The following MAP3K15 variants were observed in gnomAD, a reference collection of about 807,000 sequenced individuals.
MAP3K15 encodes the protein mitogen-activated protein kinase kinase kinase 15.
MAP3K15 carries 124 observed loss-of-function variants against 99.5 expected under a neutral mutation model. The observed-to-expected ratio is 1.25, with a 90% CI of 1.08 to 1.45. The LOEUF (loss-of-function observed/expected upper bound fraction) is 1.45, where lower values mean the gene tolerates loss of function less well. Among genes scored for constraint, MAP3K15 ranks in the 40% most tolerant of loss-of-function variants. The probability of loss-of-function intolerance (pLI) is 0.00; values close to 1 mark genes in which losing one functional copy is unlikely to be tolerated. For synonymous variants in MAP3K15, 494 were observed against 439.6 expected (o/e 1.12, Z -1.55); for missense variants, 1,242 against 1,079.7 (o/e 1.15, Z -2.11).
At chrX:19,465,807 G>A (rs2064163810) in intron 3 of MAP3K15, among the ~76,000 whole-genome samples, 1 of 96,666 alleles carries the variant, frequency 1.0e-5, no homozygotes, top group Admixed American at 1.2e-4. Flanking sequence ...TAAGTAGAAA[G>A]GGTAAAAATT....
intron 13 of MAP3K15, among the ~76,000 whole-genome samples, chrX:19,402,854 G>A (rs2063618776): frequency 9.0e-6 from 1 of 111,134 alleles, no homozygotes; most frequent in Non-Finnish European, 1.9e-5. Context: ...TTGTAGAGAC[G>A]AGGGTCTCCC....
chrX:19,407,149 A>G (rs1201292379), intron 13 of MAP3K15, 39 bp downstream of exon 13: 3 of 846,537 alleles, frequency 3.5e-6, no homozygotes, highest in Non-Finnish European at 3.3e-6. Flanking sequence ...ATGATTCGCC[A>G]TAATTACATT....
intron 19 of MAP3K15, chrX:19,376,890 G>T (rs970440512): frequency 9.3e-6 from 1 of 107,588 alleles, no homozygotes; most frequent in African/African-American, 3.4e-5. Flanking sequence ...TAAAAAGAAA[G>T]ATTTAAAAAA....
chrX:19,422,477 G>C (rs141084155), intron 9 of MAP3K15, among the ~76,000 whole-genome samples: 79 of 112,027 alleles, frequency 7.1e-4, no homozygotes, highest in African/African-American at 2.5e-3. Context: ...ACTACAATGA[G>C]ATACCATCTC....
At chrX:19,445,051 T>C (rs1189706130) in intron 6 of MAP3K15, among the ~76,000 whole-genome samples, 3 of 111,104 alleles carry the variant, frequency 2.7e-5, no homozygotes, top group African/African-American at 9.8e-5. Context: ...GAATGTTCTA[T>C]AAAGCCTCCC....
chrX:19,414,988 A>T, intron 10 of MAP3K15, 119 bp downstream of exon 10: 1 of 635,452 alleles, frequency 1.6e-6, no homozygotes, highest in East Asian at 3.7e-5. Flanking sequence ...ATTGATGTTT[A>T]TCCCAACATT....
At chrX:19,398,182 T>C (rs1276899087) in intron 15 of MAP3K15, 44 bp downstream of exon 15, 1 of 1,201,091 alleles carries the variant, frequency 8.3e-7, no homozygotes, top group African/African-American at 1.8e-5. Flanking sequence ...GGATCTGGGG[T>C]GTGGAGACGG....
At chrX:19,460,234 G>T in intron 4 of MAP3K15, 81 bp from the exon 5 acceptor site, 1 of 739,499 alleles carries the variant, frequency 1.4e-6, no homozygotes, top group Non-Finnish European at 1.9e-6. Flanking sequence ...GGTTCTCATT[G>T]ACCTGACTTA....
intron 19 of MAP3K15, among the ~76,000 whole-genome samples, chrX:19,378,742 C>T (rs942985388): frequency 3.6e-5 from 4 of 111,534 alleles, no homozygotes; most frequent in South Asian, 3.8e-4. Flanking sequence ...TTGGGTACAC[C>T]GGGGTGTCCT....
Position 19,488,954 on chromosome X carries a change from T to C in MAP3K15, c.375A>G (p.Val125=). The C allele has an allele frequency of 8.3e-7, 1 of 1,198,827 alleles. No individual in the cohort carries two copies. Among genetic ancestry groups the C allele is most frequent in the East Asian group, 3.0e-5 (1 of 33,763 alleles). The stretch of plus-strand genomic sequence containing the variant: ...GCTGTCTGGAGACATCGCTCATGTC[T>C]ACCACAGCAACATCTGCAATGAACA... ...DAFYDADVAV[V]DMSDVSRQPS... Residue 125 remains valine (V), a synonymous_variant, in exon 2 of 29, where the codon GTA becomes GTG. Transcript: ENST00000338883.
intron 1 of MAP3K15, among the ~76,000 whole-genome samples, chrX:19,506,259 G>A (rs747995358): frequency 3.1e-4 from 34 of 109,494 alleles, no homozygotes; most frequent in Non-Finnish European, 5.9e-4. Context: ...TAGTAGAGAC[G>A]GGGTTTTGCT....
chrX:19,444,990 C>T (rs918532909), intron 6 of MAP3K15, among the ~76,000 whole-genome samples: 9 of 110,434 alleles, frequency 8.1e-5, no homozygotes, highest in Admixed American at 2.9e-4. Flanking sequence ...TGGATAGGTC[C>T]CCAGCTTCCT....
At chrX:19,426,486 C>T (rs1299116870) in intron 7 of MAP3K15, 143 bp from the exon 8 acceptor site, 1 of 344,960 alleles carries the variant, frequency 2.9e-6, no homozygotes, top group African/African-American at 2.7e-5. Context: ...ACCACCTTTA[C>T]CAACAGCCAC....
At chrX:19,502,582 G>A (rs1208665774) in intron 1 of MAP3K15, among the ~76,000 whole-genome samples, 1 of 111,884 alleles carries the variant, frequency 8.9e-6, no homozygotes, top group Non-Finnish European at 1.9e-5. Context: ...ACTTTGGGGG[G>A]CCATGGCAGG....
chrX:19,509,488 TG>T (rs1299628927), intron 1 of MAP3K15, among the ~76,000 whole-genome samples: 2 of 111,971 alleles, frequency 1.8e-5, no homozygotes, highest in African/African-American at 6.5e-5. Context: ...TGCTCCTGAA[TG>T]ACTACTGGGT....
At chrX:19,368,833 G>C (rs1293933878) in intron 25 of MAP3K15, among the ~76,000 whole-genome samples, 1 of 104,576 alleles carries the variant, frequency 9.6e-6, no homozygotes, top group African/African-American at 3.7e-5. Flanking sequence ...ATACCTCTCT[G>C]ATTCTGAGTT....
At chrX:19,410,549 C>T (rs890522070) in intron 11 of MAP3K15, among the ~76,000 whole-genome samples, 4 of 112,121 alleles carry the variant, frequency 3.6e-5, no homozygotes, top group Non-Finnish European at 7.5e-5. Flanking sequence ...TTTCCTCTTT[C>T]CCCATCCACT....
intron 6 of MAP3K15, among the ~76,000 whole-genome samples, chrX:19,446,829 A>G (rs1294329312): frequency 9.0e-6 from 1 of 111,531 alleles, no homozygotes; most frequent in East Asian, 2.8e-4. Flanking sequence ...TGGAACTGGT[A>G]CCCAGCCTAC....
At chrX:19,384,831 A>C (rs1331937022) in intron 18 of MAP3K15, among the ~76,000 whole-genome samples, 1 of 109,278 alleles carries the variant, frequency 9.2e-6, no homozygotes, top group Non-Finnish European at 1.9e-5. Context: ...TTTGTAACAC[A>C]AAGGATAAAT....
Sources: allele counts gnomAD v4.1 joint callset (sites outside exome capture counted in the v4.1 genomes callset), GRCh38; gene constraint gnomAD v4.1.1; transcripts MANE v1.5; gene names NCBI Gene and HGNC (gene_info 2026-07-23, HGNC 2026-07-21).